The following GMDS variants were observed in gnomAD, a reference collection of about 807,000 sequenced individuals.
The protein encoded by GMDS is GDP-mannose 4,6 dehydratase.
A neutral mutation model predicts 49.9 loss-of-function variants in GMDS; 20 were observed. The ratio of observed to expected loss-of-function variants is 0.40; its 90% CI spans 0.28 to 0.58. The LOEUF is 0.58. GMDS is among the 20% of genes least tolerant of loss of function. GMDS has a pLI of 0.42. For synonymous variants in GMDS, 177 were observed against 178.6 expected, an observed-to-expected ratio of 0.99 and a Z score of 0.07; for missense variants, 362 against 481.4, an observed-to-expected ratio of 0.75 and a Z score of 2.32.
intron 1 of GMDS, among the ~76,000 whole-genome samples, chr6:2,201,063 G>A (rs1490412698): frequency 2.9e-5 from 4 of 140,318 alleles, no homozygotes; most frequent in African/African-American, 2.7e-5. Context: ...GGGCATCCGA[G>A]ATGAAACCAT....
intron 7 of GMDS, among the ~76,000 whole-genome samples, chr6:1,870,130 G>A (rs1039153891): frequency 1.3e-5 from 2 of 152,214 alleles, no homozygotes; most frequent in African/African-American, 4.8e-5. Flanking sequence ...GGTGTCTCTG[G>A]CACTTGAGTT....
chr6:1,992,212 C>G (rs1765992393), intron 4 of GMDS, among the ~76,000 whole-genome samples: 1 of 152,180 alleles, frequency 6.6e-6, no homozygotes, highest in Non-Finnish European at 1.5e-5. Context: ...CGCTGAGCTC[C>G]AGACTCACAC....
At chr6:2,043,159 T>G (rs1769787153) in intron 4 of GMDS, among the ~76,000 whole-genome samples, 1 of 152,222 alleles carries the variant, frequency 6.6e-6, no homozygotes, top group African/African-American at 2.4e-5. Flanking sequence ...AGAGATGGTT[T>G]GCCCACAGTG....
At chr6:1,759,979 T>C (rs1250389080) in intron 7 of GMDS, among the ~76,000 whole-genome samples, 4 of 151,934 alleles carry the variant, frequency 2.6e-5, no homozygotes, top group Non-Finnish European at 4.4e-5. Context: ...TCAAAGACAT[T>C]TGCAGTAAGA....
chr6:1,970,541 T>A (rs559627540), intron 4 of GMDS, among the ~76,000 whole-genome samples: 35 of 152,174 alleles, frequency 2.3e-4, no homozygotes, highest in Non-Finnish European at 4.6e-4. Flanking sequence ...CCGCAGGCTG[T>A]GATTCCAGGA....
intron 4 of GMDS, among the ~76,000 whole-genome samples, chr6:2,044,659 C>T (rs938402619): frequency 1.3e-5 from 2 of 152,092 alleles, no homozygotes; most frequent in Non-Finnish European, 2.9e-5. Flanking sequence ...CAACAAACCC[C>T]GTGGCGTGAG....
intron 7 of GMDS, among the ~76,000 whole-genome samples, chr6:1,780,548 T>TAA (rs1769035319): frequency 6.6e-6 from 1 of 152,168 alleles, no homozygotes; most frequent in South Asian, 2.1e-4. Flanking sequence ...TGGTCAGTTA[T>TAA]AAACCCTCTC....
chr6:2,013,017 C>T (rs938533400), intron 4 of GMDS, among the ~76,000 whole-genome samples: 6 of 152,190 alleles, frequency 3.9e-5, no homozygotes, highest in African/African-American at 1.4e-4. Flanking sequence ...CCGCATCTAT[C>T]TGTCCTGTCT....
intron 7 of GMDS, among the ~76,000 whole-genome samples, chr6:1,875,297 T>C (rs1758980208): frequency 6.8e-6 from 1 of 148,014 alleles, no homozygotes; most frequent in Non-Finnish European, 1.5e-5. Flanking sequence ...ACATTTTATA[T>C]TGAAGTCTTT....
intron 1 of GMDS, among the ~76,000 whole-genome samples, chr6:2,169,757 C>CA (rs2127553273): frequency 1.3e-5 from 2 of 152,208 alleles, no homozygotes; most frequent in East Asian, 3.9e-4. Flanking sequence ...TTAACTTACA[C>CA]AACTCCTACA....
At chr6:2,102,173 T>G (rs1773963061) in intron 4 of GMDS, among the ~76,000 whole-genome samples, 1 of 152,082 alleles carries the variant, frequency 6.6e-6, no homozygotes, top group African/African-American at 2.4e-5. Flanking sequence ...AATAAAACAT[T>G]GAAGTCCCCT....
chr6:1,701,172 C>T (rs951995674), intron 9 of GMDS, among the ~76,000 whole-genome samples: 2 of 152,156 alleles, frequency 1.3e-5, no homozygotes, highest in African/African-American at 2.4e-5. Context: ...CTTCCCTTAG[C>T]GTGGAGTACA....
At chr6:1,835,427 AGTT>A (rs1756880275) in intron 7 of GMDS, among the ~76,000 whole-genome samples, 2 of 152,194 alleles carry the variant, frequency 1.3e-5, no homozygotes, top group Admixed American at 1.3e-4. Context: ...CTTTGTAGGG[AGTT>A]GTTATAACAA....
intron 7 of GMDS, among the ~76,000 whole-genome samples, chr6:1,923,580 T>C (rs1761834584): frequency 6.6e-6 from 1 of 152,072 alleles, no homozygotes; most frequent in African/African-American, 2.4e-5. Context: ...GCTGAGTAAA[T>C]GGAGCTTGTT....
intron 4 of GMDS, among the ~76,000 whole-genome samples, chr6:2,001,737 T>A (rs1221686238): frequency 6.6e-6 from 1 of 152,196 alleles, no homozygotes; most frequent in Non-Finnish European, 1.5e-5. Flanking sequence ...AAAACCCATG[T>A]GTCTAGGATC....
intron 9 of GMDS, among the ~76,000 whole-genome samples, chr6:1,695,907 GT>G (rs11366742): frequency 0.63 from 78,278 of 124,252 alleles, 24,272 homozygotes; most frequent in East Asian, 0.83. Context: ...TTCTGTCTTG[GT>G]TTTTTTTTTT....
At chr6:1,692,449 C>T (rs1765206259) in intron 9 of GMDS, among the ~76,000 whole-genome samples, 1 of 152,212 alleles carries the variant, frequency 6.6e-6, no homozygotes, top group Non-Finnish European at 1.5e-5. Flanking sequence ...TCGTAGTTTT[C>T]ATGAAATTTG....
intron 4 of GMDS, among the ~76,000 whole-genome samples, chr6:2,009,759 C>T (rs1044228769): frequency 6.6e-6 from 1 of 152,020 alleles, no homozygotes; most frequent in East Asian, 1.9e-4. Context: ...ATAAAAGCTG[C>T]CAATGTCAAT....
In GMDS at chr6:1,834,205, A is replaced by T. The variant is rs185858272; in HGVS notation, c.772-91619T>A. Among the ~76,000 whole-genome samples the T allele has an allele frequency of 1.3e-3, 200 of 152,342 alleles. 1 individual carries two copies. Among genetic ancestry groups the T allele is most frequent in the African/African-American group, 4.6e-3 (193 of 41,578 alleles). On this transcript the variant is annotated intron_variant, in intron 7 of 10. Coordinates refer to ENST00000380815, the MANE Select transcript of GMDS (RefSeq NM_001500.4). ...AGAAAATAAAAGCTATTCTATAAGG[A>T]TTCATTAAATGTCCATTGAAGATTT...
Sources: gnomAD v4.1 joint callset for allele counts (sites outside exome capture counted in the v4.1 genomes callset) on GRCh38, gnomAD v4.1.1 for gene constraint, MANE v1.5 for transcripts, NCBI Gene and HGNC (gene_info 2026-07-23, HGNC 2026-07-21) for gene names.